CCND3: variants seen among roughly 807,000 people sequenced by gnomAD.
The protein encoded by CCND3 is G1/S-specific cyclin-D3.
In CCND3, 9 loss-of-function variants were observed where a neutral mutation model predicts 28.7. That is an observed-to-expected ratio of 0.31 (90% confidence interval 0.19 to 0.55). CCND3 has a LOEUF of 0.55. Ranked by LOEUF, CCND3 falls within the 20% of genes least tolerant of loss-of-function variation. The pLI, the probability that CCND3 is intolerant of heterozygous loss-of-function variation, is 0.93. For synonymous variants in CCND3, 164 were observed against 163.9 expected, an observed-to-expected ratio of 1.00 and a Z score of 0.00; for missense variants, 315 against 385.8, an observed-to-expected ratio of 0.82 and a Z score of 1.54.
chr6:42,024,785 G>A (rs528497247), intron 1 of CCND3, among the ~76,000 whole-genome samples: 28 of 152,232 alleles, frequency 1.8e-4, no homozygotes, highest in Middle Eastern at 3.4e-3. Flanking sequence ...GGGGCCGGGC[G>A]CAGTGGCTCA....
intron 1 of CCND3, among the ~76,000 whole-genome samples, chr6:41,999,410 G>A (rs970289847): frequency 3.3e-5 from 5 of 151,844 alleles, no homozygotes; most frequent in African/African-American, 4.8e-5. Flanking sequence ...CACCATGCCC[G>A]GCTAATTTTT....
Position 41,935,259 on chromosome 6 carries a change from G to C in CCND3, c.*681C>G. On this transcript the variant is annotated 3_prime_UTR_variant, in exon 5 of 5. Coordinates refer to ENST00000372991, the MANE Select transcript of CCND3 (RefSeq NM_001760.5). The stretch of plus-strand genomic sequence containing the variant: ...TTACCACCACTTGTGGGATGGCCAG[G>C]ACCCCATTATGTCCTCTTAAAGTTG... 1 of 233,776 alleles carries C rather than the reference G, an allele frequency of 4.3e-6. No individual in the cohort carries two copies. Among genetic ancestry groups the C allele is most frequent in the Non-Finnish European group, 8.5e-6 (1 of 118,090 alleles). 14.5% of individuals were successfully genotyped at this position (233,776 alleles called of 1,614,324 possible).
intron 1 of CCND3, among the ~76,000 whole-genome samples, chr6:42,019,225 C>T (rs1763624192): frequency 6.6e-6 from 1 of 152,022 alleles, no homozygotes; most frequent in Admixed American, 6.6e-5. Context: ...CGGTGGCTCC[C>T]ACCTGTAATC....
chr6:42,046,083 C>T (rs1582199193), intron 1 of CCND3, among the ~76,000 whole-genome samples: 1 of 152,326 alleles, frequency 6.6e-6, no homozygotes, highest in Non-Finnish European at 1.5e-5. Context: ...AGCATCAATA[C>T]CCATGCCCCC....
chr6:42,021,799 C>T (rs1416158877), intron 1 of CCND3, among the ~76,000 whole-genome samples: 3 of 152,082 alleles, frequency 2.0e-5, no homozygotes, highest in Admixed American at 1.3e-4. Flanking sequence ...TGGGTAAAGG[C>T]CTGGAAAGGT....
In CCND3 at chr6:41,976,673, G is replaced by C. The variant is rs575265347; in HGVS notation, c.-45-36088C>G. On this transcript the variant is annotated intron_variant, in intron 1 of 4. Coordinates refer to the CCND3 transcript ENST00000372988. ...AATAAAAACGGTCTCAGTCACTGTG[G>C]CTTTTAGATGCATTATTCTTACTCC... is the stretch of plus-strand genomic sequence containing the variant. Among the ~76,000 whole-genome samples the C allele has an allele frequency of 1.2e-4, 19 of 152,234 alleles. No homozygotes were observed. In the South Asian group the frequency reaches 3.5e-3, roughly 28 times the overall value.
chr6:41,957,097 A>G (rs906002158), intron 1 of CCND3, among the ~76,000 whole-genome samples: 3 of 152,224 alleles, frequency 2.0e-5, no homozygotes, highest in African/African-American at 7.2e-5. Context: ...AACTCCACAC[A>G]AACAACTGGC....
chr6:41,993,071 T>C (rs1043897020), intron 1 of CCND3, among the ~76,000 whole-genome samples: 3 of 152,136 alleles, frequency 2.0e-5, no homozygotes, highest in Non-Finnish European at 4.4e-5. Flanking sequence ...CATGCCTGGC[T>C]TAAAAATGTT....
chr6:41,985,926 GC>G (rs55993237), intron 1 of CCND3, among the ~76,000 whole-genome samples: 122,128 of 123,510 alleles, frequency 0.99, 60,407 homozygotes, highest in East Asian at 1. Flanking sequence ...ACCGCGCCCG[GC>G]CCAGTTTAAG....
At chr6:42,014,711 C>T (rs1763448080) in intron 1 of CCND3, among the ~76,000 whole-genome samples, 1 of 152,174 alleles carries the variant, frequency 6.6e-6, no homozygotes, top group East Asian at 1.9e-4. Context: ...TGGCCTGAGC[C>T]CCGAAGTTTG....
chr6:41,990,806 G>C (rs1467704678), intron 1 of CCND3, among the ~76,000 whole-genome samples: 2 of 150,702 alleles, frequency 1.3e-5, no homozygotes, highest in East Asian at 3.9e-4. Context: ...TCAGCCTCCA[G>C]GGTAGCTGGG....
intron 1 of CCND3, among the ~76,000 whole-genome samples, chr6:42,020,668 T>G (rs1210042617): frequency 6.6e-6 from 1 of 152,168 alleles, no homozygotes; most frequent in African/African-American, 2.4e-5. Context: ...CCTCCCCTAC[T>G]CCCCTTCTCT....
chr6:42,016,186 C>G (rs556584139), intron 1 of CCND3, among the ~76,000 whole-genome samples: 1 of 152,030 alleles, frequency 6.6e-6, no homozygotes, highest in Admixed American at 6.6e-5. Flanking sequence ...CCACCGGCCT[C>G]GGCCTCCCAA....
chr6:42,018,300 C>T (rs1763586946), intron 1 of CCND3: 1 of 151,904 alleles, frequency 6.6e-6, no homozygotes, highest in Non-Finnish European at 1.5e-5. Context: ...TCACACCATT[C>T]TCCTGCCTCG....
chr6:42,000,048 A>ATGTG (rs10623864), intron 1 of CCND3, among the ~76,000 whole-genome samples: 1 of 150,824 alleles, frequency 6.6e-6, no homozygotes, highest in Non-Finnish European at 1.5e-5. Context: ...AGGCCTGTGT[A>ATGTG]TGTGTGTGTG....
At chr6:42,029,149 A>ATT (rs199889723) in intron 1 of CCND3, among the ~76,000 whole-genome samples, 11 of 145,158 alleles carry the variant, frequency 7.6e-5, no homozygotes, top group African/African-American at 2.3e-4. Context: ...TTATTTTTTA[A>ATT]TTTTTTTTTT....
chr6:42,009,620 A>AAC (rs1554165870), intron 1 of CCND3, among the ~76,000 whole-genome samples: 7 of 150,390 alleles, frequency 4.7e-5, no homozygotes, highest in Non-Finnish European at 1.0e-4. Context: ...TTCAAAACAA[A>AAC]AAAACAAAAC....
chr6:41,943,010 C>T (rs542881716), upstream of CCND3, among the ~76,000 whole-genome samples: 2 of 151,436 alleles, frequency 1.3e-5, no homozygotes, highest in East Asian at 3.9e-4. Context: ...ACTACAGGCA[C>T]GCACCACCAT....
chr6:41,948,263 G>A (rs1314120862), intron 1 of CCND3, among the ~76,000 whole-genome samples: 3 of 151,852 alleles, frequency 2.0e-5, no homozygotes, highest in Non-Finnish European at 1.5e-5. Flanking sequence ...TTTACAGCTT[G>A]TCTACTCCCA....
Sources: gnomAD v4.1 joint callset for allele counts (sites outside exome capture counted in the v4.1 genomes callset) on GRCh38, gnomAD v4.1.1 for gene constraint, MANE v1.5 for transcripts, NCBI Gene and HGNC (gene_info 2026-07-23, HGNC 2026-07-21) for gene names.